Variants in DACH1 observed in about 807,000 individuals in gnomAD.
The protein encoded by DACH1 is dachshund family transcription factor 1.
In DACH1, 12 loss-of-function variants were observed where a neutral mutation model predicts 54.2. The observed-to-expected ratio is 0.22, with a 90% CI of 0.14 to 0.36. The LOEUF (loss-of-function observed/expected upper bound fraction) is 0.36. Among genes scored for constraint, DACH1 ranks in the 10% least tolerant of loss-of-function variants. DACH1 has a pLI of 1.00. For missense variants in DACH1, 805 were observed against 929.8 expected (o/e 0.87, Z 1.75); for synonymous variants, 386 against 366.2 (o/e 1.05, Z -0.62).
chr13:71,616,297 G>T (rs1875756359), intron 3 of DACH1, among the ~76,000 whole-genome samples: 1 of 152,152 alleles, frequency 6.6e-6, no homozygotes, highest in Admixed American at 6.5e-5. Context: ...AATGATGCAT[G>T]CATGAACAGC....
chr13:71,502,309 G>GA (rs1469395346), intron 6 of DACH1, among the ~76,000 whole-genome samples: 2 of 152,058 alleles, frequency 1.3e-5, no homozygotes, highest in East Asian at 3.9e-4. Context: ...ACCTATCCCA[G>GA]AAATGAAACT....
chr13:71,756,931 T>G (rs1416040057), intron 1 of DACH1, among the ~76,000 whole-genome samples: 1 of 152,142 alleles, frequency 6.6e-6, no homozygotes, highest in African/African-American at 2.4e-5. Flanking sequence ...ACATAGTGAA[T>G]GTAAAGGATC....
At chr13:71,625,351 A>G (rs1041984472) in intron 3 of DACH1, among the ~76,000 whole-genome samples, 2 of 151,984 alleles carry the variant, frequency 1.3e-5, no homozygotes, top group Non-Finnish European at 2.9e-5. Flanking sequence ...CAAGGTCTCC[A>G]AGAGTTTTTC....
At chr13:71,615,947 T>TC (rs1875727489) in intron 3 of DACH1, among the ~76,000 whole-genome samples, 3 of 151,974 alleles carry the variant, frequency 2.0e-5, no homozygotes, top group Admixed American at 2.0e-4. Flanking sequence ...ACCCAAATAA[T>TC]CCCCAAAGAG....
chr13:71,658,750 A>T (rs1879302831), intron 2 of DACH1, among the ~76,000 whole-genome samples: 1 of 152,206 alleles, frequency 6.6e-6, no homozygotes, highest in Admixed American at 6.5e-5. Context: ...TGAGGAAGAG[A>T]TCTTGCTGGA....
intron 10 of DACH1, among the ~76,000 whole-genome samples, chr13:71,462,910 AC>A: frequency 6.3e-5 from 1 of 15,992 alleles, no homozygotes; most frequent in East Asian, 7.9e-3. Flanking sequence ...ACACACACAC[AC>A]ACACATAAAC....
At chr13:71,656,295 G>A (rs1447445339) in intron 2 of DACH1, among the ~76,000 whole-genome samples, 2 of 152,068 alleles carry the variant, frequency 1.3e-5, no homozygotes, top group Non-Finnish European at 2.9e-5. Context: ...CTTCTATTCA[G>A]TCCAAACTGT....
intron 3 of DACH1, among the ~76,000 whole-genome samples, chr13:71,616,898 T>G (rs1171226578): frequency 6.8e-6 from 1 of 146,942 alleles, no homozygotes; most frequent in East Asian, 2.0e-4. Flanking sequence ...TTTTTTTTTC[T>G]GAGATGGAGT....
chr13:71,577,403 GCTGTC>G, intron 3 of DACH1, among the ~76,000 whole-genome samples: 1 of 152,290 alleles, frequency 6.6e-6, no homozygotes, highest in South Asian at 2.1e-4. Flanking sequence ...CCTGTCAGTT[GCTGTC>G]CTTTCACTAG....
At chr13:71,538,316 G>C (rs1882931185) in intron 6 of DACH1, among the ~76,000 whole-genome samples, 1 of 151,860 alleles carries the variant, frequency 6.6e-6, no homozygotes, top group South Asian at 2.1e-4. Context: ...GATACATTAG[G>C]GTAGATAATC....
intron 1 of DACH1, among the ~76,000 whole-genome samples, chr13:71,701,251 G>A (rs189299627): frequency 1.3e-5 from 2 of 151,868 alleles, no homozygotes; most frequent in Admixed American, 6.6e-5. Context: ...AACATAAATG[G>A]TTATTAAATT....
chr13:71,498,408 G>A (rs1318358276), intron 6 of DACH1, among the ~76,000 whole-genome samples: 2 of 152,178 alleles, frequency 1.3e-5, no homozygotes, highest in African/African-American at 4.8e-5. Context: ...CTGTCCCAGG[G>A]TTATACCACA....
At chr13:71,586,869 C>T (rs1349900596) in intron 3 of DACH1, among the ~76,000 whole-genome samples, 1 of 151,976 alleles carries the variant, frequency 6.6e-6, no homozygotes, top group East Asian at 1.9e-4. Context: ...TGATTATTTT[C>T]ATTTGTATGA....
chr13:71,471,999 G>A (rs1877125020), intron 10 of DACH1, among the ~76,000 whole-genome samples: 1 of 152,096 alleles, frequency 6.6e-6, no homozygotes, highest in African/African-American at 2.4e-5. Flanking sequence ...CTACTTTATA[G>A]ATTCAAAAGA....
intron 8 of DACH1, among the ~76,000 whole-genome samples, chr13:71,478,044 C>A (rs555902979): frequency 6.6e-6 from 1 of 152,188 alleles, no homozygotes; most frequent in Admixed American, 6.5e-5. Context: ...TAGGAATCCC[C>A]GGGCCTGCTT....
At chr13:71,837,408 G>GT (rs66519278) in intron 1 of DACH1, among the ~76,000 whole-genome samples, 36 of 151,514 alleles carry the variant, frequency 2.4e-4, no homozygotes, top group Non-Finnish European at 3.1e-4. Flanking sequence ...TAAAATATGG[G>GT]TTTTTTTTAA....
intron 4 of DACH1, among the ~76,000 whole-genome samples, chr13:71,563,032 A>G (rs1302517541): frequency 6.6e-6 from 1 of 152,066 alleles, no homozygotes; most frequent in African/African-American, 2.4e-5. Context: ...ATATACTCTT[A>G]AAGTCTAATC....
chr13:71,717,503 AT>A (rs2138793233), intron 1 of DACH1, among the ~76,000 whole-genome samples: 1 of 71,096 alleles, frequency 1.4e-5, no homozygotes, highest in South Asian at 6.1e-4. Context: ...TGTGTGTGTA[AT>A]CACACACACA....
chr13:71,527,546 C>T (rs1882076910), intron 6 of DACH1, among the ~76,000 whole-genome samples: 1 of 152,088 alleles, frequency 6.6e-6, no homozygotes, highest in Non-Finnish European at 1.5e-5. Context: ...AGTGACCACC[C>T]CTGAAAAGTT....
Sources: gnomAD v4.1 joint callset for allele counts (sites outside exome capture counted in the v4.1 genomes callset) on GRCh38, gnomAD v4.1.1 for gene constraint, MANE v1.5 for transcripts, NCBI Gene and HGNC (gene_info 2026-07-23, HGNC 2026-07-21) for gene names.